The following AKAP7 variants were observed in gnomAD, a reference collection of about 807,000 sequenced individuals.
AKAP7 encodes A kinase (PRKA) anchor protein 7.
AKAP7 carries 39 observed loss-of-function variants against 39.5 expected under a neutral mutation model. The observed-to-expected ratio is 0.99, with a 90% confidence interval of 0.76 to 1.29. The LOEUF (loss-of-function observed/expected upper bound fraction) is 1.29, where lower values mean the gene tolerates loss of function less well. Ranked by LOEUF, AKAP7 falls within the 50% of genes most tolerant of loss-of-function variation. AKAP7 has a pLI of 0.00. For missense variants in AKAP7, 414 were observed against 407.7 expected, an observed-to-expected ratio of 1.02 and a Z score of -0.13; for synonymous variants, 140 against 139.1, an observed-to-expected ratio of 1.01 and a Z score of -0.05.
At chr6:131,180,731 T>C (rs1805111004) in intron 5 of AKAP7, among the ~76,000 whole-genome samples, 1 of 152,172 alleles carries the variant, frequency 6.6e-6, no homozygotes, top group South Asian at 2.1e-4. Flanking sequence ...TTGTAATTGC[T>C]GAATCTAACG....
intron 3 of AKAP7, among the ~76,000 whole-genome samples, chr6:131,162,873 G>A (rs1029552405): frequency 7.2e-5 from 11 of 152,124 alleles, no homozygotes; most frequent in African/African-American, 2.7e-4. Context: ...GGCTTTCACA[G>A]CTTTCTGTAT....
chr6:131,277,454 A>G (rs188356760), intron 7 of AKAP7, among the ~76,000 whole-genome samples: 5 of 152,338 alleles, frequency 3.3e-5, no homozygotes, highest in Non-Finnish European at 7.4e-5. Flanking sequence ...TGGAATATCA[A>G]AAGATAGTTT....
intron 5 of AKAP7, among the ~76,000 whole-genome samples, chr6:131,180,832 TTG>T (rs200404392): frequency 1.1e-4 from 8 of 72,680 alleles, no homozygotes; most frequent in South Asian, 4.9e-4. Flanking sequence ...TTTGTTTGTT[TTG>T]TTTTTTTTTT....
chr6:131,218,928 T>C (rs1809444217), intron 6 of AKAP7, among the ~76,000 whole-genome samples: 1 of 152,174 alleles, frequency 6.6e-6, no homozygotes, highest in Non-Finnish European at 1.5e-5. Flanking sequence ...CCAACTTACT[T>C]TTTAAAGATT....
chr6:131,167,702 C>T (rs6569735), intron 4 of AKAP7, among the ~76,000 whole-genome samples: 86,372 of 151,752 alleles, frequency 0.57, 25,165 homozygotes, highest in East Asian at 0.79. Context: ...GACAAATGCA[C>T]AATACTTTAC....
chr6:131,282,344 A>G lies in AKAP7; in HGVS notation c.*618A>G. 7.3e-7 allele frequency: 1 copy of G among 1,374,660 alleles called. No individual in the cohort carries two copies. The highest frequency in any genetic ancestry group is 3.2e-5 in the Admixed American group (1 of 31,294). The allele number at this position is 1,374,660 out of a possible 1,614,324, so 85.2% of individuals were successfully genotyped here. On this transcript the variant is annotated 3_prime_UTR_variant, in exon 8 of 8. Coordinates refer to ENST00000431975, the MANE Select transcript of AKAP7 (RefSeq NM_016377.4). Reference sequence around the variant, plus strand: ...AAAGTTTTTTTAAAATCCTATTTTGATAAGTCAGTATGCCATATTTAATGA... The same window carrying G: ...AAAGTTTTTTTAAAATCCTATTTTGGTAAGTCAGTATGCCATATTTAATGA...
At chr6:131,259,783 TGGAA>T (rs1227536517) in intron 7 of AKAP7, among the ~76,000 whole-genome samples, 1 of 152,190 alleles carries the variant, frequency 6.6e-6, no homozygotes, top group Admixed American at 6.5e-5. Flanking sequence ...ACAATTTAAA[TGGAA>T]GAGCAAAATT....
chr6:131,248,507 T>G (rs540069525), intron 7 of AKAP7, among the ~76,000 whole-genome samples: 1 of 152,340 alleles, frequency 6.6e-6, no homozygotes, highest in African/African-American at 2.4e-5. Flanking sequence ...GTTGTTAGGC[T>G]ATTTCCTTTG....
intron 6 of AKAP7, 44 bp downstream of exon 6, chr6:131,199,617 C>A: frequency 7.1e-7 from 1 of 1,415,070 alleles, no homozygotes; most frequent in Non-Finnish European, 1.0e-6. Flanking sequence ...CCAGGCCACA[C>A]CAGCCATAAG....
At chr6:131,263,313 A>C (rs551383703) in intron 7 of AKAP7, among the ~76,000 whole-genome samples, 1 of 152,274 alleles carries the variant, frequency 6.6e-6, no homozygotes, top group African/African-American at 2.4e-5. Context: ...GGCTTCCAGA[A>C]GCTTCTGTGT....
intron 6 of AKAP7, among the ~76,000 whole-genome samples, chr6:131,202,508 G>A (rs1807675832): frequency 6.6e-6 from 1 of 150,996 alleles, no homozygotes; most frequent in Admixed American, 6.6e-5. Flanking sequence ...ACTATCGCAA[G>A]GACAAAAAAC....
rs1295413877 is a variant in AKAP7, at chr6:131,253,830, G to A, written c.851-27700G>A. 3.9e-5 allele frequency among the ~76,000 whole-genome samples: 6 copies of A among 151,952 alleles called. No individual in the cohort carries two copies. In the South Asian group the frequency reaches 6.2e-4, roughly 16 times the overall value. The stretch of plus-strand genomic sequence containing the variant: ...TTTTATTCTTTTTTATGGCTGAATC[G>A]TATTCCATAGTATATATATACCACA... On this transcript the variant is annotated intron_variant, in intron 7 of 7. Coordinates refer to ENST00000431975, the MANE Select transcript of AKAP7 (RefSeq NM_016377.4).
chr6:131,250,505 T>G, intron 7 of AKAP7: 1 of 1,612,714 alleles, frequency 6.2e-7, no homozygotes. Flanking sequence ...TGCTATAAAC[T>G]GCAATTTCTA....
At position 131,271,487 on chromosome 6, in the gene AKAP7, G is replaced by GTCT. The variant is rs59434596; in HGVS notation, c.851-10039_851-10037dup. On this transcript the variant is annotated intron_variant, in intron 7 of 7. Transcript: ENST00000431975. ...TAAGTCTTGAAATCAGGAAGTATAAGTCTTCTAATCATGTTCTTCTTGTTA... is the reference window on the plus strand; with the variant it reads ...TAAGTCTTGAAATCAGGAAGTATAAGTCTTCTTCTAATCATGTTCTTCTTGTTA... Among the ~76,000 whole-genome samples the GTCT allele has an allele frequency of 5.5e-3, 841 of 152,114 alleles. 13 individuals carry two copies. The highest frequency in any genetic ancestry group is 0.019 in the African/African-American group (806 of 41,520).
intron 2 of AKAP7, among the ~76,000 whole-genome samples, chr6:131,152,103 A>G (rs930551529): frequency 2.0e-5 from 3 of 152,250 alleles, no homozygotes; most frequent in African/African-American, 7.2e-5. Context: ...GACCAGATTC[A>G]TTACTACACA....
chr6:131,230,183 C>T (rs1362646079), intron 7 of AKAP7, among the ~76,000 whole-genome samples: 2 of 152,218 alleles, frequency 1.3e-5, no homozygotes, highest in African/African-American at 4.8e-5. Flanking sequence ...CTGCTTTCCA[C>T]AGTGGCAAAA....
In AKAP7 at chr6:131,135,617, C is replaced by G. The variant is rs1464160209; in HGVS notation, c.-147C>G. On this transcript the variant is annotated 5_prime_UTR_variant, in exon 1 of 8. Transcript: ENST00000431975. ...CGCCGCCCGGGCCCCCGCAGCCTGT[C>G]GCTGGACCCCGCGCCGGCCCAGCGC... is the stretch of plus-strand genomic sequence containing the variant. The G allele has an allele frequency of 3.2e-5, 22 of 697,150 alleles. No homozygotes were observed. The East Asian group carries it at 2.0e-3, about 64-fold the overall frequency. The allele number at this position is 697,150 out of a possible 1,614,324, so 43.2% of individuals were successfully genotyped here.
At chr6:131,243,127 G>A (rs922042698) in intron 7 of AKAP7, among the ~76,000 whole-genome samples, 1 of 152,168 alleles carries the variant, frequency 6.6e-6, no homozygotes, top group Non-Finnish European at 1.5e-5. Context: ...AGGATGAGCC[G>A]TGATGATCTT....
At chr6:131,153,090 A>G (rs1368463741) in intron 2 of AKAP7, among the ~76,000 whole-genome samples, 1 of 150,286 alleles carries the variant, frequency 6.7e-6, no homozygotes, top group East Asian at 1.9e-4. Context: ...AGATTGCGCC[A>G]GTGCACTCCA....
Sources: gnomAD v4.1 joint callset for allele counts (sites outside exome capture counted in the v4.1 genomes callset) on GRCh38, gnomAD v4.1.1 for gene constraint, MANE v1.5 for transcripts, NCBI Gene and HGNC (gene_info 2026-07-23, HGNC 2026-07-21) for gene names.